TRMT9B: variants seen among roughly 807,000 people sequenced by gnomAD.
The protein encoded by TRMT9B is probable tRNA methyltransferase 9B.
Under a neutral mutation model 11.5 loss-of-function variants are expected in TRMT9B, and 16 were observed. The ratio of observed to expected loss-of-function variants is 1.39; its 90% CI spans 0.94 to 2.11. TRMT9B has a LOEUF of 2.11. Among genes scored for constraint, TRMT9B ranks in the 30% most tolerant of loss-of-function variants. The pLI is 0.00. For synonymous variants in TRMT9B, 274 were observed against 192.4 expected (o/e 1.42, Z -3.51); for missense variants, 941 against 553.8 (o/e 1.70, Z -7.02).
chr8:12,983,586 C>T (rs1191713097), intron 1 of TRMT9B, among the ~76,000 whole-genome samples: 1 of 152,130 alleles, frequency 6.6e-6, no homozygotes, highest in South Asian at 2.1e-4. Context: ...AGGACAATCG[C>T]TTGAATCCAG....
At chr8:12,989,007 C>T (rs1286363628) in intron 1 of TRMT9B, among the ~76,000 whole-genome samples, 3 of 152,016 alleles carry the variant, frequency 2.0e-5, no homozygotes, top group Non-Finnish European at 4.4e-5. Context: ...ATCCCTAGTG[C>T]CTTACATCTG....
intron 2 of TRMT9B, among the ~76,000 whole-genome samples, chr8:12,996,764 T>C (rs922370033): frequency 2.6e-5 from 4 of 152,082 alleles, no homozygotes; most frequent in African/African-American, 7.2e-5. Context: ...AATGAATGAA[T>C]TTTTCATAAC....
At chr8:12,962,372 G>C (rs542002175) in intron 1 of TRMT9B, among the ~76,000 whole-genome samples, 2 of 152,204 alleles carry the variant, frequency 1.3e-5, no homozygotes, top group Non-Finnish European at 2.9e-5. Flanking sequence ...TCTCTTGTCT[G>C]ATAGTTTGTC....
chr8:13,005,106 A>C (rs1260932988), intron 2 of TRMT9B, among the ~76,000 whole-genome samples: 1 of 151,972 alleles, frequency 6.6e-6, no homozygotes, highest in Non-Finnish European at 1.5e-5. Context: ...AAAAAGAAAA[A>C]GAAAAGAAAA....
At chr8:12,998,782 T>C (rs1047708300) in intron 2 of TRMT9B, among the ~76,000 whole-genome samples, 1 of 152,242 alleles carries the variant, frequency 6.6e-6, no homozygotes, top group Non-Finnish European at 1.5e-5. Flanking sequence ...GGAAGCCTTT[T>C]CAGTTCCTCA....
intron 2 of TRMT9B, among the ~76,000 whole-genome samples, chr8:12,996,907 C>T (rs1236551297): frequency 6.6e-6 from 1 of 151,464 alleles, no homozygotes. Context: ...TCTAATGGCC[C>T]ACATTTGTTT....
At position 12,964,153 on chromosome 8, in the gene TRMT9B, A is replaced by G. The variant is rs551467867; in HGVS notation, c.-200+18187A>G. 3.3e-5 allele frequency among the ~76,000 whole-genome samples: 5 copies of G among 152,378 alleles called. No individual in the cohort carries two copies. The East Asian group carries it at 5.8e-4, about 18-fold the overall frequency. The stretch of plus-strand genomic sequence containing the variant: ...AAGGAAACTCAAAAAGACTCGTGTC[A>G]TTATTGTGACATTAGTTTTGTTATT... On this transcript the variant is annotated intron_variant, in intron 1 of 4. Transcript: ENST00000524591.
chr8:12,979,874 G>C (rs1366138069), intron 1 of TRMT9B, among the ~76,000 whole-genome samples: 2 of 152,214 alleles, frequency 1.3e-5, no homozygotes, highest in Non-Finnish European at 2.9e-5. Flanking sequence ...GGACTGTACA[G>C]AATCAAGAGA....
chr8:12,961,234 T>A (rs1393801067), intron 1 of TRMT9B, among the ~76,000 whole-genome samples: 1 of 152,178 alleles, frequency 6.6e-6, no homozygotes, highest in African/African-American at 2.4e-5. Context: ...AACTGTCTAA[T>A]ACAAAGAGTG....
chr8:13,019,470 T>A (rs1014616274), intron 4 of TRMT9B, among the ~76,000 whole-genome samples: 2 of 152,130 alleles, frequency 1.3e-5, no homozygotes, highest in Admixed American at 6.5e-5. Context: ...TTTTTTATAT[T>A]TTTTGTAGAG....
At chr8:13,010,059 G>C (rs1384679370) in intron 3 of TRMT9B, among the ~76,000 whole-genome samples, 6 of 151,630 alleles carry the variant, frequency 4.0e-5, no homozygotes, top group African/African-American at 4.9e-5. Context: ...GACAGATTGA[G>C]TCTGGGAGGC....
Position 12,966,601 on chromosome 8 carries a change from G to C in TRMT9B, c.-200+20635G>C, listed in dbSNP as rs116980990. ...TTCTATTGTTTAGCCATGTGGCACA[G>C]CATTTATTTAAATTGGTCTAAATTT... On this transcript the variant is annotated intron_variant, in intron 1 of 4. Transcript: ENST00000524591. Among the ~76,000 whole-genome samples, 102 of 152,316 alleles carry C rather than the reference G, an allele frequency of 6.7e-4. 1 individual carries two copies. In the East Asian group the frequency reaches 0.017, roughly 26 times the overall value.
chr8:13,021,340 A>G lies in TRMT9B; in HGVS notation c.661A>G (p.Met221Val), dbSNP rs1813817351. The change falls in exon 5 of 5, where the codon ATG (methionine) becomes GTG (valine). Residue 221 changes from methionine to valine, a missense_variant. Physicochemically the swap from Met to Val is conservative, Grantham distance 21. Coordinates refer to ENST00000524591, the MANE Select transcript of TRMT9B (RefSeq NM_020844.3). ...RSHSVGYEPA[M>V]ARTCFANISK... ...CCACAGCGTGGGCTATGAACCTGCT[A>G]TGGCAAGAACCTGTTTTGCAAATAT... The G allele has an allele frequency of 1.2e-6, 2 of 1,613,922 alleles. No individual in the cohort carries two copies. Among genetic ancestry groups the G allele is most frequent in the Non-Finnish European group, 1.7e-6 (2 of 1,179,882 alleles).
chr8:12,958,802 G>T (rs986393809), intron 1 of TRMT9B: 3 of 152,192 alleles, frequency 2.0e-5, no homozygotes, highest in African/African-American at 7.2e-5. Flanking sequence ...TGGGGACATG[G>T]ATGAAGCTGG....
intron 1 of TRMT9B, chr8:12,951,286 G>A (rs969190744): frequency 6.6e-6 from 1 of 152,346 alleles, no homozygotes; most frequent in Non-Finnish European, 1.5e-5. Context: ...TTATCCCAAT[G>A]AACCGACCCC....
intron 1 of TRMT9B, among the ~76,000 whole-genome samples, chr8:12,977,903 C>T (rs1442269412): frequency 1.3e-5 from 2 of 151,552 alleles, no homozygotes; most frequent in Non-Finnish European, 1.5e-5. Context: ...GTGGCATGTG[C>T]CTTTAGTCCC....
At chr8:12,952,853 C>CGTCA (rs1800806661) in intron 1 of TRMT9B, 1 of 177,940 alleles carries the variant, frequency 5.6e-6, no homozygotes, top group South Asian at 1.9e-4. Context: ...AATTCCCTTG[C>CGTCA]GTCAGTCTTC....
At chr8:12,958,700 C>T (rs959584616) in intron 1 of TRMT9B, 14 of 152,202 alleles carry the variant, frequency 9.2e-5, no homozygotes, top group Admixed American at 7.9e-4. Context: ...GCACAAAGAA[C>T]CAGCATGAGA....
In TRMT9B at chr8:12,952,302, G is replaced by T. The variant is rs544462748; in HGVS notation, c.-200+6336G>T. The T allele has an allele frequency of 2.0e-3, 741 of 372,434 alleles. 5 individuals are homozygous for T. The highest frequency in any genetic ancestry group is 0.012 in the African/African-American group (552 of 46,270). 23.1% of individuals were successfully genotyped at this position (372,434 alleles called of 1,614,324 possible). A position where few individuals can be genotyped will look rare whatever the true frequency, so the allele number is the denominator to read the frequency against. On this transcript the variant is annotated intron_variant, in intron 1 of 4. Coordinates refer to ENST00000524591, the MANE Select transcript of TRMT9B (RefSeq NM_020844.3). ...GGCGCCCGCCCGCAGGGAGGAGGGG[G>T]CGCGACAGGTCGTCTAGCGCGTGCC...
Sources: gnomAD v4.1 joint callset for allele counts (sites outside exome capture counted in the v4.1 genomes callset) on GRCh38, gnomAD v4.1.1 for gene constraint, MANE v1.5 for transcripts, NCBI Gene and HGNC (gene_info 2026-07-23, HGNC 2026-07-21) for gene names.